RANBP2: variants seen among roughly 807,000 people sequenced by gnomAD.
The protein encoded by RANBP2 is E3 SUMO-protein ligase RanBP2.
A neutral mutation model predicts 303.6 loss-of-function variants in RANBP2; 57 were observed. The observed-to-expected ratio is 0.19, with a 90% CI of 0.15 to 0.23. The LOEUF is 0.23. Among genes scored for constraint, RANBP2 ranks in the 10% least tolerant of loss-of-function variants. RANBP2 has a pLI of 1.00. For missense variants in RANBP2, 3,138 were observed against 3,780.8 expected (o/e 0.83, Z 4.46); for synonymous variants, 1,167 against 1,301.5 (o/e 0.90, Z 2.23).
chr2:109,347,029 C>T, the RANBP2 span, among the ~76,000 whole-genome samples: 2 of 152,112 alleles, frequency 1.3e-5, no homozygotes, highest in Non-Finnish European at 2.9e-5. Context: ...GTGTGTGTAC[C>T]GCTGGCCATG....
the RANBP2 span, among the ~76,000 whole-genome samples, chr2:109,320,979 T>C: frequency 6.6e-6 from 1 of 152,228 alleles, no homozygotes; most frequent in Non-Finnish European, 1.5e-5. Flanking sequence ...ATGGATTAGA[T>C]TGTATGTAAG....
the RANBP2 span, among the ~76,000 whole-genome samples, chr2:109,094,559 G>A: frequency 6.6e-6 from 1 of 152,206 alleles, no homozygotes; most frequent in Non-Finnish European, 1.5e-5. Context: ...GCCAGGCGCA[G>A]TGGCTCACAC....
chr2:109,408,169 C>T, the RANBP2 span, among the ~76,000 whole-genome samples: 1 of 152,144 alleles, frequency 6.6e-6, no homozygotes, highest in Non-Finnish European at 1.5e-5. Context: ...GAGGGTTGTT[C>T]ATGAATGCCC....
At chr2:109,229,712 G>T in the RANBP2 span, among the ~76,000 whole-genome samples, 1 of 152,072 alleles carries the variant, frequency 6.6e-6, no homozygotes, top group African/African-American at 2.4e-5. Flanking sequence ...TAGGTACCTC[G>T]TATAACTGGA....
chr2:109,471,640 G>A, the RANBP2 span, among the ~76,000 whole-genome samples: 1 of 152,148 alleles, frequency 6.6e-6, no homozygotes, highest in African/African-American at 2.4e-5. Flanking sequence ...GGGTGAGGAG[G>A]TTGCTGTCCA....
the RANBP2 span, among the ~76,000 whole-genome samples, chr2:109,719,922 T>C: frequency 6.6e-6 from 1 of 152,152 alleles, no homozygotes; most frequent in Non-Finnish European, 1.5e-5. Context: ...AACATTTATG[T>C]AGATTGAAAT....
the RANBP2 span, among the ~76,000 whole-genome samples, chr2:109,246,087 G>A: frequency 2.0e-5 from 3 of 152,230 alleles, no homozygotes; most frequent in African/African-American, 7.2e-5. Flanking sequence ...ATAACATTGG[G>A]CAAGTTACTT....
chr2:109,373,654 G>A, the RANBP2 span, among the ~76,000 whole-genome samples: 1 of 152,176 alleles, frequency 6.6e-6, no homozygotes, highest in Non-Finnish European at 1.5e-5. Flanking sequence ...GATTCTGACT[G>A]GAAGAGGTAA....
At chr2:109,246,916 C>T in the RANBP2 span, among the ~76,000 whole-genome samples, 1 of 152,172 alleles carries the variant, frequency 6.6e-6, no homozygotes, top group Non-Finnish European at 1.5e-5. Flanking sequence ...CTCAGGGCTC[C>T]AGGCCAATGC....
chr2:109,599,563 C>T, the RANBP2 span, among the ~76,000 whole-genome samples: 13 of 152,076 alleles, frequency 8.5e-5, no homozygotes, highest in African/African-American at 2.7e-4. Context: ...GCATATCCTC[C>T]GGAGGGTGTC....
rs145284139 is a variant in RANBP2, at chr2:108,765,037, G to C, written c.4498G>C (p.Ala1500Pro). 357 of 1,613,790 alleles carry C rather than the reference G, an allele frequency of 2.2e-4. 2 individuals are homozygous for C. In the African/African-American group the frequency reaches 3.7e-3, roughly 17 times the overall value. ...AAATGAGGGGAGCTCTACAAAATGT[G>C]CTGCTTGTCAGAATCCGAGAAAACA... ...VQNEGSSTKCAACQNPRKQSL... is the reference protein window; with the variant it reads ...VQNEGSSTKCPACQNPRKQSL... The change falls in exon 20 of 29, where the codon GCT becomes CCT. Residue 1500 changes from alanine to proline, a missense_variant. Physicochemically the swap from Ala to Pro is conservative, Grantham distance 27. Around this residue, in one of 20 missense-constraint regions of RANBP2, gnomAD observed 388 missense variants for 328.5 expected, o/e 1.18. Transcript: ENST00000283195.
chr2:108,913,330 T>C, the RANBP2 span, among the ~76,000 whole-genome samples: 1 of 152,094 alleles, frequency 6.6e-6, no homozygotes, highest in Non-Finnish European at 1.5e-5. Context: ...TTTGCAAGCC[T>C]CACCAACTCA....
At chr2:108,729,273 A>G in intron 2 of RANBP2, 74 bp downstream of exon 2, 1 of 1,450,742 alleles carries the variant, frequency 6.9e-7, no homozygotes, top group Non-Finnish European at 9.3e-7. Context: ...TGAAATAGGT[A>G]AAAATATGTT....
intron 22 of RANBP2, 138 bp downstream of exon 22, chr2:108,772,719 A>T: frequency 8.2e-7 from 1 of 1,216,762 alleles, no homozygotes; most frequent in Non-Finnish European, 1.2e-6. Flanking sequence ...CTAACAGGTG[A>T]AAATATTCTT....
the RANBP2 span, among the ~76,000 whole-genome samples, chr2:109,599,179 C>T: frequency 3.3e-5 from 5 of 151,996 alleles, no homozygotes; most frequent in South Asian, 2.1e-4. Context: ...AAGTGGAGGC[C>T]GGGCGCGGTG....
chr2:109,544,831 C>T, the RANBP2 span: 1 of 750,982 alleles, frequency 1.3e-6, no homozygotes, highest in Non-Finnish European at 1.6e-6. Context: ...CTGCTCTAGG[C>T]TCTGGGGATG....
the RANBP2 span, among the ~76,000 whole-genome samples, chr2:109,660,890 T>C: frequency 6.6e-6 from 1 of 152,218 alleles, no homozygotes; most frequent in Non-Finnish European, 1.5e-5. Flanking sequence ...TCTTAAGCAC[T>C]CTTCTCTCAT....
the RANBP2 span, among the ~76,000 whole-genome samples, chr2:109,516,211 G>A: frequency 0.085 from 12,924 of 152,156 alleles, 1,029 homozygotes; most frequent in East Asian, 0.24. Context: ...ACATGGGCCC[G>A]AGCAGGTGAT....
chr2:109,124,901 A>G, the RANBP2 span, among the ~76,000 whole-genome samples: 1 of 152,106 alleles, frequency 6.6e-6, no homozygotes, highest in African/African-American at 2.4e-5. Flanking sequence ...TGCAGTGATG[A>G]TTGTCTCATA....
Sources: allele counts gnomAD v4.1 joint callset (sites outside exome capture counted in the v4.1 genomes callset), GRCh38; gene constraint gnomAD v4.1.1; regional missense constraint gnomAD v4.1.1; transcripts MANE v1.5; gene names NCBI Gene and HGNC (gene_info 2026-07-23, HGNC 2026-07-21).